Variants in VEPH1 observed in about 807,000 individuals in gnomAD.
VEPH1 encodes ventricular zone expressed PH domain containing 1.
In VEPH1, 80 loss-of-function variants were observed where a neutral mutation model predicts 85.2. That is an observed-to-expected ratio of 0.94 (90% CI 0.78 to 1.13). VEPH1 has a LOEUF of 1.13. Among genes scored for constraint, VEPH1 ranks in the 50% most tolerant of loss-of-function variants. The pLI is 0.00. For synonymous variants in VEPH1, 297 were observed against 348.0 expected (o/e 0.85, Z 1.63); for missense variants, 955 against 980.5 (o/e 0.97, Z 0.35).
chr3:157,267,872 G>T (rs930066793), intron 12 of VEPH1, among the ~76,000 whole-genome samples: 2 of 152,320 alleles, frequency 1.3e-5, no homozygotes, highest in East Asian at 3.9e-4. Flanking sequence ...TGACTTGGGG[G>T]CTTGGTGTAC....
intron 2 of VEPH1, among the ~76,000 whole-genome samples, chr3:157,475,120 C>T (rs1737338815): frequency 6.6e-6 from 1 of 151,318 alleles, no homozygotes; most frequent in Admixed American, 6.6e-5. Flanking sequence ...GCTGGGATTA[C>T]AGGTGCATGC....
intron 9 of VEPH1, among the ~76,000 whole-genome samples, chr3:157,342,143 T>C (rs1316650543): frequency 6.6e-6 from 1 of 152,166 alleles, no homozygotes; most frequent in African/African-American, 2.4e-5. Flanking sequence ...CCAGCTAACA[T>C]CATAATGACA....
intron 9 of VEPH1, among the ~76,000 whole-genome samples, chr3:157,324,721 T>G (rs1271300019): frequency 6.6e-6 from 1 of 152,176 alleles, no homozygotes; most frequent in Non-Finnish European, 1.5e-5. Flanking sequence ...TACCAAATTT[T>G]CTTTGTCTAG....
chr3:157,462,461 T>TCAA (rs1421089304), intron 3 of VEPH1, among the ~76,000 whole-genome samples: 1 of 151,920 alleles, frequency 6.6e-6, no homozygotes, highest in Non-Finnish European at 1.5e-5. Context: ...AGTGGTGGAG[T>TCAA]CAATGCAGCC....
At chr3:157,455,915 C>A (rs1735339311) in intron 4 of VEPH1, among the ~76,000 whole-genome samples, 1 of 152,158 alleles carries the variant, frequency 6.6e-6, no homozygotes, top group Non-Finnish European at 1.5e-5. Context: ...TATGATGGAA[C>A]AATTTATATT....
intron 3 of VEPH1, among the ~76,000 whole-genome samples, chr3:157,461,284 A>C (rs905498007): frequency 6.6e-6 from 1 of 152,126 alleles, no homozygotes; most frequent in South Asian, 2.1e-4. Context: ...TGTTTTGGTC[A>C]ACAAATTGTT....
chr3:157,313,802 C>T, intron 10 of VEPH1, 47 bp from the exon 11 acceptor site: 2 of 1,599,078 alleles, frequency 1.3e-6, no homozygotes, highest in South Asian at 1.1e-5. Flanking sequence ...TGTCTTGTCC[C>T]AATAGTATTG....
chr3:157,483,046 G>T (rs1244247820), intron 2 of VEPH1, among the ~76,000 whole-genome samples: 1 of 151,434 alleles, frequency 6.6e-6, no homozygotes, highest in Non-Finnish European at 1.5e-5. Context: ...AGTTATTACT[G>T]TTATAGTCAT....
chr3:157,382,127 C>G (rs920376968), intron 6 of VEPH1, among the ~76,000 whole-genome samples: 18 of 152,274 alleles, frequency 1.2e-4, no homozygotes, highest in African/African-American at 3.9e-4. Context: ...GGTTGATTTC[C>G]TTGCTGCAGG....
chr3:157,407,307 G>A (rs1163801718), intron 6 of VEPH1, among the ~76,000 whole-genome samples: 2 of 152,152 alleles, frequency 1.3e-5, no homozygotes, highest in Non-Finnish European at 2.9e-5. Flanking sequence ...ATATAGCTGG[G>A]GAGGTGGGGA....
chr3:157,491,545 G>C (rs139776017), intron 2 of VEPH1, among the ~76,000 whole-genome samples: 1,551 of 152,262 alleles, frequency 0.01, 17 homozygotes, highest in Non-Finnish European at 0.017. Flanking sequence ...GTATTTTGTA[G>C]TAACTGGTAG....
In VEPH1 at chr3:157,318,602, G is replaced by A. The variant is rs948275566; in HGVS notation, c.1736-1401C>T. Among the ~76,000 whole-genome samples the A allele has an allele frequency of 3.6e-5, 5 of 139,968 alleles. No homozygotes were observed. In the East Asian group the frequency reaches 6.2e-4, roughly 17 times the overall value. 91.8% of individuals were successfully genotyped at this position (139,968 alleles called of 152,430 possible). On this transcript the variant is annotated intron_variant, in intron 9 of 13. Coordinates refer to ENST00000362010, the MANE Select transcript of VEPH1 (RefSeq NM_001167912.2). ...AGCCTGGGCAACAGAGAAATACTCC[G>A]TCCCAAAAAAACAAAACAAAACAAA...
At chr3:157,335,040 A>G (rs1042032793) in intron 9 of VEPH1, among the ~76,000 whole-genome samples, 2 of 152,236 alleles carry the variant, frequency 1.3e-5, no homozygotes, top group Non-Finnish European at 2.9e-5. Flanking sequence ...ATTAAATAAA[A>G]TAATTTGTTC....
chr3:157,327,697 G>A (rs919218830), intron 9 of VEPH1, among the ~76,000 whole-genome samples: 2 of 152,152 alleles, frequency 1.3e-5, no homozygotes, highest in Admixed American at 6.5e-5. Context: ...ATAACACACA[G>A]TGGTATGTAG....
At chr3:157,501,821 G>A (rs977761820) in intron 1 of VEPH1, among the ~76,000 whole-genome samples, 1 of 152,064 alleles carries the variant, frequency 6.6e-6, no homozygotes, top group Non-Finnish European at 1.5e-5. Context: ...TTTACATTAC[G>A]CTTTAGACTA....
chr3:157,466,536 A>G (rs761815625), intron 3 of VEPH1, among the ~76,000 whole-genome samples: 3 of 152,234 alleles, frequency 2.0e-5, no homozygotes, highest in Non-Finnish European at 4.4e-5. Flanking sequence ...CTGTGTAAAC[A>G]CCGTATATGT....
In VEPH1 at chr3:157,341,828, C is replaced by T. The variant is rs537610284; in HGVS notation, c.1735+21536G>A. On this transcript the variant is annotated intron_variant, in intron 9 of 13. Coordinates refer to ENST00000362010, the MANE Select transcript of VEPH1 (RefSeq NM_001167912.2). ...CCCATCAGACTAACAGCTGATCTCT[C>T]GGCAGAAACTCTACAAGCCAGAAGA... Among the ~76,000 whole-genome samples, 13 of 151,612 alleles carry T rather than the reference C, an allele frequency of 8.6e-5. No homozygotes were observed. In the East Asian group the frequency reaches 1.5e-3, roughly 18 times the overall value.
At chr3:157,479,749 A>C (rs889453172) in intron 2 of VEPH1, among the ~76,000 whole-genome samples, 1 of 152,118 alleles carries the variant, frequency 6.6e-6, no homozygotes, top group Non-Finnish European at 1.5e-5. Flanking sequence ...TCATCTCTCT[A>C]AGCCTCTGTT....
chr3:157,269,780 C>T (rs1437406701), intron 12 of VEPH1, among the ~76,000 whole-genome samples: 1 of 151,268 alleles, frequency 6.6e-6, no homozygotes, highest in Non-Finnish European at 1.5e-5. Flanking sequence ...ACAGCTAAAA[C>T]AAGAAACTAT....
Sources: allele counts gnomAD v4.1 joint callset (sites outside exome capture counted in the v4.1 genomes callset), GRCh38; gene constraint gnomAD v4.1.1; transcripts MANE v1.5; gene names NCBI Gene and HGNC (gene_info 2026-07-23, HGNC 2026-07-21).